SEM1: variants seen among roughly 807,000 people sequenced by gnomAD.
SEM1 encodes the protein 26S proteasome complex subunit SEM1.
In SEM1, 3 loss-of-function variants were observed where a neutral mutation model predicts 12.7. The ratio of observed to expected loss-of-function variants is 0.24; its 90% CI spans 0.11 to 0.61. The LOEUF (loss-of-function observed/expected upper bound fraction) is 0.61. Ranked by LOEUF, SEM1 falls within the 20% of genes least tolerant of loss-of-function variation. The pLI, the probability that SEM1 is intolerant of heterozygous loss-of-function variation, is 0.88. For synonymous variants in SEM1, 30 were observed against 27.8 expected (o/e 1.08, Z -0.25); for missense variants, 59 against 81.3 (o/e 0.73, Z 1.06).
chr7:96,504,337 T>G (rs956388000), intron 3 of SEM1, among the ~76,000 whole-genome samples: 4 of 152,192 alleles, frequency 2.6e-5, no homozygotes, highest in African/African-American at 9.6e-5. Context: ...AAGCAAAGCT[T>G]GGTGTCTAAA....
At chr7:96,638,380 T>C (rs997838052) in intron 2 of SEM1, among the ~76,000 whole-genome samples, 1 of 152,060 alleles carries the variant, frequency 6.6e-6, no homozygotes, top group African/African-American at 2.4e-5. Flanking sequence ...ATTTGGGATT[T>C]CTAATTCTTA....
intron 2 of SEM1, among the ~76,000 whole-genome samples, chr7:96,551,880 C>T (rs116322307): frequency 0.03 from 4,635 of 152,206 alleles, 230 homozygotes; most frequent in African/African-American, 0.1. Flanking sequence ...CTGGAAGGAA[C>T]CAGCCCTGCC....
upstream of SEM1, among the ~76,000 whole-genome samples, chr7:96,499,599 C>A (rs374866075): frequency 2.0e-4 from 31 of 152,296 alleles, no homozygotes; most frequent in South Asian, 6.2e-3. Flanking sequence ...GATGGAACTA[C>A]TAAGTCCTGA....
chr7:96,552,326 T>G (rs1460119546), intron 2 of SEM1, among the ~76,000 whole-genome samples: 3 of 152,168 alleles, frequency 2.0e-5, no homozygotes, highest in Non-Finnish European at 4.4e-5. Flanking sequence ...TATCTCCCAG[T>G]GCTATCCCTC....
intron 2 of SEM1, among the ~76,000 whole-genome samples, chr7:96,515,326 A>T (rs907991349): frequency 1.3e-5 from 2 of 152,190 alleles, no homozygotes; most frequent in African/African-American, 2.4e-5. Flanking sequence ...CCACAAAGGG[A>T]TACCATCTCA....
At chr7:96,641,862 T>C (rs1808622065) in intron 2 of SEM1, among the ~76,000 whole-genome samples, 1 of 151,834 alleles carries the variant, frequency 6.6e-6, no homozygotes, top group Non-Finnish European at 1.5e-5. Context: ...TCTTTGAAGA[T>C]TTTTTTTCCA....
intron 2 of SEM1, among the ~76,000 whole-genome samples, chr7:96,581,329 T>C (rs2116057676): frequency 6.6e-6 from 1 of 152,320 alleles, no homozygotes; most frequent in African/African-American, 2.4e-5. Flanking sequence ...CATTGATCTT[T>C]ATCTCTGTTT....
chr7:96,679,599 T>A (rs2272223), intron 2 of SEM1, among the ~76,000 whole-genome samples: 2 of 151,826 alleles, frequency 1.3e-5, no homozygotes, highest in Admixed American at 6.6e-5. Context: ...TAGGCAGCAA[T>A]AAAAAAGTAT....
intron 2 of SEM1, among the ~76,000 whole-genome samples, chr7:96,533,520 A>G (rs957618393): frequency 1.3e-5 from 2 of 152,066 alleles, no homozygotes; most frequent in African/African-American, 4.8e-5. Context: ...CTTTTTTCTT[A>G]GCTTCTCCAT....
In SEM1 at chr7:96,675,850, T is replaced by C. The variant is rs143264698; in HGVS notation, c.171-1991A>G. On this transcript the variant is annotated intron_variant, in intron 2 of 2. Transcript: ENST00000413065. ...TCCAGCTACTGAGTTAAAGCCTCAA[T>C]AGACTTTAAGGTCCTGATGCCAGAG... Among the ~76,000 whole-genome samples, 25 of 152,318 alleles carry C rather than the reference T, an allele frequency of 1.6e-4. No homozygotes were observed. The East Asian group carries it at 4.8e-3, about 29-fold the overall frequency.
intron 2 of SEM1, among the ~76,000 whole-genome samples, chr7:96,599,247 T>TTCTCTC (rs35192987): frequency 6.7e-6 from 1 of 150,288 alleles, no homozygotes; most frequent in Non-Finnish European, 1.5e-5. Flanking sequence ...TTTTTTGCCT[T>TTCTCTC]TCTCTCTCTC....
chr7:96,681,791 T>C (rs1789621116), intron 2 of SEM1, among the ~76,000 whole-genome samples: 1 of 152,302 alleles, frequency 6.6e-6, no homozygotes, highest in South Asian at 2.1e-4. Flanking sequence ...ACTGTAGCCT[T>C]GTAGTATAGT....
At chr7:96,526,644 T>G (rs1049172325) in intron 2 of SEM1, among the ~76,000 whole-genome samples, 1 of 151,200 alleles carries the variant, frequency 6.6e-6, no homozygotes, top group Non-Finnish European at 1.5e-5. Context: ...CTTGATCTCT[T>G]GGGGCCAGAG....
At chr7:96,584,900 T>G (rs1352363380) in intron 2 of SEM1, among the ~76,000 whole-genome samples, 1 of 151,458 alleles carries the variant, frequency 6.6e-6, no homozygotes, top group Admixed American at 6.6e-5. Flanking sequence ...CAACTTCTTT[T>G]CCTTTGGTTT....
chr7:96,549,275 C>A (rs1360317307), intron 2 of SEM1, among the ~76,000 whole-genome samples: 1 of 152,164 alleles, frequency 6.6e-6, no homozygotes, highest in Non-Finnish European at 1.5e-5. Context: ...GCCCCTCAGT[C>A]CCCGGCAAAC....
intron 2 of SEM1, among the ~76,000 whole-genome samples, chr7:96,534,934 C>T (rs1336749035): frequency 2.0e-5 from 3 of 151,738 alleles, no homozygotes; most frequent in Non-Finnish European, 4.4e-5. Flanking sequence ...ATAATAGATA[C>T]CAATAAATAT....
intron 2 of SEM1, among the ~76,000 whole-genome samples, chr7:96,570,222 T>C (rs1311829515): frequency 6.6e-6 from 1 of 151,856 alleles, no homozygotes; most frequent in African/African-American, 2.4e-5. Context: ...ATACTTTAAG[T>C]TCTGGGATAC....
At chr7:96,687,346 T>C (rs1179142839), downstream of SEM1, among the ~76,000 whole-genome samples, 2 of 152,290 alleles carry the variant, frequency 1.3e-5, no homozygotes, top group South Asian at 4.1e-4. Flanking sequence ...CGTATGTTTA[T>C]TGCAGCACTA....
intron 2 of SEM1, among the ~76,000 whole-genome samples, chr7:96,610,890 A>C (rs1279918061): frequency 6.6e-6 from 1 of 152,156 alleles, no homozygotes; most frequent in Non-Finnish European, 1.5e-5. Flanking sequence ...TTTTAAGCTG[A>C]AGGCACTTGA....
Sources: allele counts gnomAD v4.1 joint callset (sites outside exome capture counted in the v4.1 genomes callset), GRCh38; gene constraint gnomAD v4.1.1; transcripts MANE v1.5; gene names NCBI Gene and HGNC (gene_info 2026-07-23, HGNC 2026-07-21).